Variants in PATJ observed in about 807,000 individuals in gnomAD.
The protein encoded by PATJ is inaD-like protein.
PATJ carries 190 observed loss-of-function variants against 224.9 expected under a neutral mutation model. The ratio of observed to expected loss-of-function variants is 0.84; its 90% confidence interval spans 0.75 to 0.95. The LOEUF (loss-of-function observed/expected upper bound fraction) is 0.95, where lower values mean the gene tolerates loss of function less well. PATJ is among the 40% of genes least tolerant of loss of function. PATJ has a pLI of 0.00. For synonymous variants in PATJ, 769 were observed against 820.3 expected (o/e 0.94, Z 1.07); for missense variants, 2,121 against 2,270.3 (o/e 0.93, Z 1.34).
chr1:61,823,248 C>T (rs1472883664), intron 15 of PATJ, among the ~76,000 whole-genome samples, 169 bp downstream of exon 15: 1 of 152,174 alleles, frequency 6.6e-6, no homozygotes, highest in African/African-American at 2.4e-5. Context: ...AGTAGCTATG[C>T]TTTCAGTTTA....
chr1:62,116,494 G>T, intron 35 of PATJ, 38 bp from the exon 36 acceptor site: 2 of 1,608,698 alleles, frequency 1.2e-6, no homozygotes, highest in South Asian at 1.1e-5. Context: ...GGAAATATTA[G>T]GTTGTGCCAA....
At chr1:61,821,055 T>TC (rs1657158601) in intron 14 of PATJ, among the ~76,000 whole-genome samples, 1 of 151,876 alleles carries the variant, frequency 6.6e-6, no homozygotes, top group South Asian at 2.1e-4. Context: ...TTTTTTTTTT[T>TC]TTTGAGGCTG....
At chr1:61,801,006 T>A (rs1032409655) in intron 11 of PATJ, among the ~76,000 whole-genome samples, 2 of 152,190 alleles carry the variant, frequency 1.3e-5, no homozygotes, top group African/African-American at 4.8e-5. Context: ...TGGTTCCAAG[T>A]CTTTGCTATT....
chr1:61,939,970 G>A (rs1465237898), intron 27 of PATJ, among the ~76,000 whole-genome samples: 1 of 151,866 alleles, frequency 6.6e-6, no homozygotes, highest in East Asian at 1.9e-4. Flanking sequence ...CACCGCGCCC[G>A]GCCTATATAT....
intron 27 of PATJ, among the ~76,000 whole-genome samples, chr1:61,931,684 A>G (rs910230998): frequency 6.6e-6 from 1 of 152,212 alleles, no homozygotes; most frequent in African/African-American, 2.4e-5. Context: ...GGATAGCTTG[A>G]GCCTGTGAGG....
At chr1:61,772,930 G>T (rs890503283) in intron 6 of PATJ, among the ~76,000 whole-genome samples, 13 of 152,312 alleles carry the variant, frequency 8.5e-5, no homozygotes, top group African/African-American at 2.9e-4. Flanking sequence ...AATATTGGCT[G>T]CTATCAGCTG....
chr1:61,888,485 C>T (rs1315740041), intron 22 of PATJ, among the ~76,000 whole-genome samples: 2 of 151,878 alleles, frequency 1.3e-5, no homozygotes, highest in South Asian at 2.1e-4. Flanking sequence ...GATGGTGTCT[C>T]GCCATGTTGG....
At chr1:61,849,898 T>C (rs144901676) in intron 17 of PATJ, among the ~76,000 whole-genome samples, 1 of 152,352 alleles carries the variant, frequency 6.6e-6, no homozygotes, top group African/African-American at 2.4e-5. Context: ...ATTGGGGTAA[T>C]ACTGCTAAGC....
At chr1:61,865,205 T>C (rs570684828) in intron 20 of PATJ, 1 of 149,906 alleles carries the variant, frequency 6.7e-6, no homozygotes, top group Admixed American at 6.8e-5. Context: ...TATATAAAAT[T>C]TTCTTTTCTC....
chr1:61,980,457 GT>G, intron 27 of PATJ, among the ~76,000 whole-genome samples: 1 of 149,376 alleles, frequency 6.7e-6, no homozygotes, highest in East Asian at 1.9e-4. Context: ...GTGTGTGTGT[GT>G]GTGTGTGTGT....
At chr1:61,936,216 C>T (rs181420876) in intron 27 of PATJ, among the ~76,000 whole-genome samples, 1 of 150,246 alleles carries the variant, frequency 6.7e-6, no homozygotes, top group Non-Finnish European at 1.5e-5. Flanking sequence ...AAATTCATTT[C>T]ACATATAAAA....
At chr1:61,823,513 G>T (rs953920719) in intron 15 of PATJ, among the ~76,000 whole-genome samples, 23 of 152,214 alleles carry the variant, frequency 1.5e-4, no homozygotes. Flanking sequence ...TATTGGGCTT[G>T]CCCAGGCTCT....
chr1:61,765,968 A>C (rs954776056), intron 3 of PATJ, among the ~76,000 whole-genome samples: 2 of 152,196 alleles, frequency 1.3e-5, no homozygotes, highest in African/African-American at 2.4e-5. Flanking sequence ...AGTGCCTTAC[A>C]CTGTTATGTG....
intron 33 of PATJ, among the ~76,000 whole-genome samples, chr1:62,092,616 A>G (rs542429355): frequency 6.6e-5 from 10 of 151,830 alleles, no homozygotes; most frequent in African/African-American, 9.7e-5. Flanking sequence ...GGGTTTCGCC[A>G]TGTTGGCCAG....
In PATJ at chr1:62,117,516, AAAAG is replaced by A. The variant is rs1424553894; in HGVS notation, c.4890+299_4890+302del. ...ACAGCTGTGTTTATTTAAAAAAAAA[AAAAG>A]GCAACATCTGGTGGCAATTTGACCC... On this transcript the variant is annotated intron_variant, in intron 37 of 43. Transcript: ENST00000642238. 4 of 755,146 alleles carry A rather than the reference AAAAG, an allele frequency of 5.3e-6. No homozygotes were observed. In the African/African-American group the frequency reaches 7.4e-5, roughly 14 times the overall value. The allele number at this position is 755,146 out of a possible 1,614,324, so 46.8% of individuals were successfully genotyped here. A position where few individuals can be genotyped will look rare whatever the true frequency, so the allele number is the denominator to read the frequency against.
At chr1:62,160,056 T>TTC (rs1669699066) in intron 43 of PATJ, among the ~76,000 whole-genome samples, 1 of 152,042 alleles carries the variant, frequency 6.6e-6, no homozygotes, top group Non-Finnish European at 1.5e-5. Flanking sequence ...TTTGACCTCA[T>TTC]TTAGAGGATT....
Position 62,017,861 on chromosome 1 carries a change from CA to C in PATJ, c.3875del (p.Asn1292IlefsTer89). The C allele has an allele frequency of 5.7e-6, 9 of 1,589,680 alleles. No individual in the cohort carries two copies. Among genetic ancestry groups the C allele is most frequent in the African/African-American group, 1.3e-5 (1 of 74,266 alleles). On this transcript the variant is annotated frameshift_variant, in exon 29 of 44. Transcript: ENST00000642238. LOFTEE classifies it high-confidence loss of function. ...TTGTGGTTTTTCCCAAACAGATAAA[CA>C]ATCAGATTCTGTATGGAAGAAGTCA... ...RIGDELLEIN[N>X]QILYGRSHQN...
intron 11 of PATJ, among the ~76,000 whole-genome samples, chr1:61,800,348 A>G (rs534308680): frequency 6.6e-6 from 1 of 152,150 alleles, no homozygotes; most frequent in Non-Finnish European, 1.5e-5. Context: ...TAATTGCAGG[A>G]TTGTTAGTTT....
chr1:61,814,827 A>G (rs1009335485), intron 14 of PATJ, among the ~76,000 whole-genome samples: 4 of 152,298 alleles, frequency 2.6e-5, no homozygotes, highest in African/African-American at 4.8e-5. Flanking sequence ...AAGGTTGCCT[A>G]GGTTGAATGA....
Sources: gnomAD v4.1 joint callset for allele counts (sites outside exome capture counted in the v4.1 genomes callset) on GRCh38, gnomAD v4.1.1 for gene constraint, MANE v1.5 for transcripts, NCBI Gene and HGNC (gene_info 2026-07-23, HGNC 2026-07-21) for gene names.